Variants in NRDC observed in about 807,000 individuals in gnomAD.
The protein encoded by NRDC is nardilysin.
Under a neutral mutation model 147.1 loss-of-function variants are expected in NRDC, and 54 were observed. The observed-to-expected ratio is 0.37, with a 90% CI of 0.29 to 0.46. The LOEUF is 0.46. NRDC is among the 20% of genes least tolerant of loss of function. The probability of loss-of-function intolerance (pLI) is 1.00; values close to 1 mark genes in which losing one functional copy is unlikely to be tolerated. For missense variants in NRDC, 1,082 were observed against 1,370.6 expected (o/e 0.79, Z 3.33); for synonymous variants, 440 against 482.1 (o/e 0.91, Z 1.14).
At chr1:51,850,643 C>T (rs891765406) in intron 1 of NRDC, among the ~76,000 whole-genome samples, 1 of 152,200 alleles carries the variant, frequency 6.6e-6, no homozygotes, top group Admixed American at 6.5e-5. Context: ...CCTACAGAAA[C>T]TAAAGATAAC....
At chr1:51,800,250 G>A (rs1183889147) in intron 21 of NRDC, among the ~76,000 whole-genome samples, 1 of 152,200 alleles carries the variant, frequency 6.6e-6, no homozygotes. Flanking sequence ...TGGGATTACA[G>A]ATATAAGCTA....
chr1:51,814,472 A>T, intron 13 of NRDC, 79 bp downstream of exon 13: 2 of 1,386,578 alleles, frequency 1.4e-6, no homozygotes, highest in Non-Finnish European at 2.0e-6. Flanking sequence ...AGGCAAGACT[A>T]AAGCATGTCT....
chr1:51,870,521 T>C (rs911739507), intron 1 of NRDC, among the ~76,000 whole-genome samples: 1 of 152,204 alleles, frequency 6.6e-6, no homozygotes, highest in African/African-American at 2.4e-5. Flanking sequence ...CACTCAAGGC[T>C]TCCCCTATGC....
chr1:51,821,392 C>G, intron 8 of NRDC, 106 bp downstream of exon 8: 1 of 650,368 alleles, frequency 1.5e-6, no homozygotes, highest in Non-Finnish European at 2.7e-6. Flanking sequence ...GGTCTTAATT[C>G]TATCACCTGT....
rs370180242 is a variant in NRDC, at chr1:51,810,374, G to C, written c.1810C>G (p.Pro604Ala). Residue 604 changes from proline to alanine, a missense_variant, in exon 16 of 31, where the codon CCT (proline) becomes GCT (alanine). Around this residue, in one of 3 missense-constraint regions of NRDC, gnomAD observed 635 missense variants for 923.8 expected, o/e 0.69. Coordinates refer to ENST00000352171, the MANE Select transcript of NRDC (RefSeq NM_001101662.2). ...AGTAAAACAAGATTTGCTTTTTGAG[G>C]AACTAGCTGATTCAAGGCTTCACCA... ...VIGEALNQLV[P>A]QKANLVLLSG... is the part of the protein sequence containing the mutation. The C allele has an allele frequency of 5.0e-6, 8 of 1,612,110 alleles. No individual in the cohort carries two copies. In the African/African-American group the frequency reaches 9.4e-5, roughly 19 times the overall value.
intron 1 of NRDC, among the ~76,000 whole-genome samples, chr1:51,870,218 G>A (rs1001702802): frequency 4.6e-5 from 7 of 152,160 alleles, no homozygotes; most frequent in East Asian, 1.9e-4. Flanking sequence ...CCGTACTCAC[G>A]GGCATTTAGC....
intron 1 of NRDC, 104 bp from the exon 2 acceptor site, chr1:51,840,618 T>G: frequency 1.3e-6 from 1 of 760,388 alleles, no homozygotes; most frequent in Non-Finnish European, 2.1e-6. Context: ...CAAGTAAAAG[T>G]ACAAACACAC....
Position 51,809,398 on chromosome 1 carries a change from A to T in NRDC, c.1907T>A (p.Ile636Asn), listed in dbSNP as rs780699826. Residue 636 changes from isoleucine to asparagine, a missense_variant, in exon 17 of 31, where the codon ATT (isoleucine) becomes AAT (asparagine). Ile to Asn is a moderately radical substitution (Grantham distance 149). Transcript: ENST00000352171. ...WFGTQYSIED[I>N]ENSWAELWNS... Reference sequence around the variant, plus strand: ...CCACAGTTCAGCCCAAGAGTTTTCAATATCTGTAAAGGAGAAAAATAAACT... The same window carrying T: ...CCACAGTTCAGCCCAAGAGTTTTCATTATCTGTAAAGGAGAAAAATAAACT... The T allele has an allele frequency of 1.3e-5, 21 of 1,604,712 alleles. 1 individual carries two copies. Among genetic ancestry groups the T allele is most frequent in the East Asian group, 6.7e-5 (3 of 44,802 alleles).
In NRDC at chr1:51,823,516, G is replaced by A. The variant is rs542116418; in HGVS notation, c.1159+148C>T. Reference sequence around the variant, plus strand: ...TTCCCTGAGCTTTGCCACTAGCTACGTGACATCTCCAAGTTCTGATTTCCT... The same window carrying A: ...TTCCCTGAGCTTTGCCACTAGCTACATGACATCTCCAAGTTCTGATTTCCT... On this transcript the variant is annotated intron_variant, in intron 7 of 30. Transcript: ENST00000352171. 1.9e-3 allele frequency: 1,144 copies of A among 589,964 alleles called. 4 individuals carry two copies. The highest frequency in any genetic ancestry group is 2.5e-3 in the Non-Finnish European group (917 of 361,452). The allele number at this position is 589,964 out of a possible 1,614,324, so 36.5% of individuals were successfully genotyped here. A position where few individuals can be genotyped will look rare whatever the true frequency, so the allele number is the denominator to read the frequency against.
chr1:51,813,788 A>AT (rs1285306532), intron 14 of NRDC, among the ~76,000 whole-genome samples: 3 of 152,240 alleles, frequency 2.0e-5, no homozygotes, highest in African/African-American at 7.2e-5. Flanking sequence ...GACTATGTAG[A>AT]TAAATGATTA....
At chr1:51,839,160 C>CTTTTTTT (rs5774110) in intron 2 of NRDC, among the ~76,000 whole-genome samples, 117 of 133,684 alleles carry the variant, frequency 8.8e-4, no homozygotes, top group Middle Eastern at 4.1e-3. Context: ...TTTTCTTTTT[C>CTTTTTTT]TTTTTTTTTT....
intron 18 of NRDC, 74 bp downstream of exon 18, chr1:51,806,720 A>G: frequency 6.9e-7 from 1 of 1,447,070 alleles, no homozygotes; most frequent in Non-Finnish European, 9.5e-7. Context: ...CAAGTAGATA[A>G]TCACATGTGA....
At chr1:51,793,571 G>A (rs1402532924) in intron 24 of NRDC, among the ~76,000 whole-genome samples, 2 of 152,170 alleles carry the variant, frequency 1.3e-5, no homozygotes, top group Non-Finnish European at 2.9e-5. Flanking sequence ...CCGTGACATC[G>A]GGCAAGTGAA....
intron 1 of NRDC, 104 bp from the exon 2 acceptor site, chr1:51,840,618 T>C (rs1211131739): frequency 2.6e-6 from 2 of 760,270 alleles, no homozygotes; most frequent in Admixed American, 5.7e-5. Context: ...CAAGTAAAAG[T>C]ACAAACACAC....
At chr1:51,836,063 A>G (rs901294319) in intron 3 of NRDC, 68 bp downstream of exon 3, 7 of 1,143,476 alleles carry the variant, frequency 6.1e-6, no homozygotes, top group Non-Finnish European at 9.2e-6. Context: ...CTAATCTTTG[A>G]TATCAATTCA....
At chr1:51,800,759 G>T in intron 20 of NRDC, 76 bp from the exon 21 acceptor site, 1 of 1,475,548 alleles carries the variant, frequency 6.8e-7, no homozygotes, top group South Asian at 1.3e-5. Flanking sequence ...GTTTCTCTTT[G>T]GTTTTTACCA....
intron 10 of NRDC, 75 bp downstream of exon 10, chr1:51,817,991 C>T: frequency 8.9e-7 from 1 of 1,120,118 alleles, no homozygotes; most frequent in Non-Finnish European, 1.3e-6. Flanking sequence ...AACCCCCAAA[C>T]TTAAACCATT....
At chr1:51,870,754 T>C (rs1353285057) in intron 1 of NRDC, among the ~76,000 whole-genome samples, 1 of 152,120 alleles carries the variant, frequency 6.6e-6, no homozygotes, top group African/African-American at 2.4e-5. Flanking sequence ...TATCTAAGAA[T>C]CTATTATTAT....
At chr1:51,849,532 G>A (rs554694266) in intron 1 of NRDC, among the ~76,000 whole-genome samples, 1 of 151,566 alleles carries the variant, frequency 6.6e-6, no homozygotes, top group African/African-American at 2.4e-5. Flanking sequence ...TTTTGAAAAA[G>A]ATGGCCGGGC....
Sources: gnomAD v4.1 joint callset for allele counts (sites outside exome capture counted in the v4.1 genomes callset) on GRCh38, gnomAD v4.1.1 for gene constraint, gnomAD v4.1.1 regional missense constraint, MANE v1.5 for transcripts, NCBI Gene and HGNC (gene_info 2026-07-23, HGNC 2026-07-21) for gene names.